Variants in PUF60 observed in about 807,000 individuals in gnomAD.
PUF60 encodes poly(U)-binding-splicing factor PUF60.
A neutral mutation model predicts 61.8 loss-of-function variants in PUF60; 10 were observed. The observed-to-expected ratio is 0.16, with a 90% CI of 0.10 to 0.27. The LOEUF (loss-of-function observed/expected upper bound fraction) is 0.27. Among genes scored for constraint, PUF60 ranks in the 10% least tolerant of loss-of-function variants. PUF60 has a pLI of 1.00. For missense variants in PUF60, 371 were observed against 754.0 expected (o/e 0.49, Z 5.95); for synonymous variants, 353 against 300.9 (o/e 1.17, Z -1.79).
chr8:143,816,858 C>T (rs769541306), intron 11 of PUF60, 39 bp from the exon 12 acceptor site: 18 of 1,597,526 alleles, frequency 1.1e-5, no homozygotes, highest in South Asian at 9.0e-5. Context: ...CTGAGCACTG[C>T]GGCCCCGCCC....
chr8:143,820,936 G>C (rs1345665586), intron 4 of PUF60, among the ~76,000 whole-genome samples: 1 of 152,142 alleles, frequency 6.6e-6, no homozygotes, highest in Non-Finnish European at 1.5e-5. Flanking sequence ...GGGGCAGAAA[G>C]GAAGGGAGGG....
At chr8:143,822,391 T>C (rs1817124222) in intron 2 of PUF60, 1 of 424,810 alleles carries the variant, frequency 2.4e-6, no homozygotes, top group Admixed American at 2.5e-5. Flanking sequence ...AGGCTCAGCT[T>C]CCCTGGAGTT....
intron 5 of PUF60, chr8:143,820,420 T>C: frequency 1.8e-6 from 1 of 563,874 alleles, no homozygotes; most frequent in Non-Finnish European, 3.2e-6. Flanking sequence ...CCGGCTGCCC[T>C]CCGCAGTTAC....
At position 143,817,077 on chromosome 8, in the gene PUF60, C is replaced by T; in HGVS notation, c.1213G>A (p.Ala405Thr). Residue 405 changes from alanine to threonine, a missense_variant, in exon 11 of 12, where the codon GCC (alanine) becomes ACC (threonine). Coordinates refer to ENST00000526683, the MANE Select transcript of PUF60 (RefSeq NM_078480.3). This position sits in a 1 kb window ranked among gnomAD's most constrained non-coding sequence, Gnocchi z 7.4. ...AGGAGACCCAGCGTTGGAGGGCTGG[C>T]CAGGATGGGGTTCACCACTCCCACC... Reference protein sequence around the residue: ...PSVGVVNPILASPPTLGLLEP... With the variant: ...PSVGVVNPILTSPPTLGLLEP... 6.2e-7 allele frequency: 1 copy of T among 1,611,546 alleles called. No homozygotes were observed. Among genetic ancestry groups the T allele is most frequent in the East Asian group, 2.2e-5 (1 of 44,816 alleles).
Position 143,820,663 on chromosome 8 carries a change from G to A in PUF60, c.348+3C>T, listed in dbSNP as rs371155542. The A allele has an allele frequency of 3.3e-4, 531 of 1,611,790 alleles. No individual in the cohort carries two copies. Among genetic ancestry groups the A allele is most frequent in the Non-Finnish European group, 4.4e-4 (519 of 1,178,400 alleles). ...CCCGGAAGAAGTGAGCATTTCTATT[G>A]ACCGATTGCAAAGGTGAGAGAGGAT... On this transcript the variant is annotated splice_donor_region_variant and intron_variant, in intron 5 of 11. Coordinates refer to ENST00000526683, the MANE Select transcript of PUF60 (RefSeq NM_078480.3).
At position 143,825,662 on chromosome 8, in the gene PUF60, T is replaced by G. The variant is rs373706961; in HGVS notation, c.25-1263A>C. On this transcript the variant is annotated intron_variant, in intron 1 of 11. Coordinates refer to ENST00000526683, the MANE Select transcript of PUF60 (RefSeq NM_078480.3). ...CACACCTGGCTAATTTTTGTATTTT[T>G]GGTAGAGATGGGGGTCTCCGTGTTG... Among the ~76,000 whole-genome samples the G allele has an allele frequency of 2.4e-4, 36 of 152,316 alleles. No homozygotes were observed. The East Asian group carries it at 5.8e-3, about 24-fold the overall frequency.
chr8:143,816,820 CTG>C lies in PUF60; in HGVS notation c.1381-3_1381-2del, dbSNP rs769410664. ...TGTTGCGCAGAACCATCACTGTAGA[CTG>C]TGGGGCAGGGCCGAGGGGAAGACAG... On this transcript the variant is annotated splice_acceptor_variant and splice_polypyrimidine_tract_variant and intron_variant, in intron 11 of 11. Transcript: ENST00000526683. LOFTEE classifies it high-confidence loss of function. 5.0e-6 allele frequency: 8 copies of C among 1,611,714 alleles called. No homozygotes were observed. The East Asian group carries it at 1.3e-4, about 27-fold the overall frequency.
At position 143,816,500 on chromosome 8, in the gene PUF60, T is replaced by A; in HGVS notation, c.*20A>T. 1 of 1,591,554 alleles carries A rather than the reference T, an allele frequency of 6.3e-7. No homozygotes were observed. Among genetic ancestry groups the A allele is most frequent in the South Asian group, 1.1e-5 (1 of 87,472 alleles). ...AGAGGAAACAAGGAACAAGTGCAAG[T>A]CCGGGGAGAGGGACCACTGTCACGC... On this transcript the variant is annotated 3_prime_UTR_variant, in exon 12 of 12. Transcript: ENST00000526683.
intron 1 of PUF60, chr8:143,827,369 C>CATCCAGA (rs1221520852): frequency 2.2e-6 from 1 of 456,200 alleles, no homozygotes; most frequent in Non-Finnish European, 4.4e-6. Flanking sequence ...TGAAAAGATG[C>CATCCAGA]ATCCAGAAGA....
chr8:143,828,955 G>A (rs192304835), intron 1 of PUF60: 2 of 988,686 alleles, frequency 2.0e-6, no homozygotes, highest in Non-Finnish European at 1.2e-6. Context: ...CGTCGGCAAA[G>A]GGAGGACGAC....
intron 2 of PUF60, among the ~76,000 whole-genome samples, chr8:143,823,879 C>T (rs1447141841): frequency 5.9e-5 from 9 of 152,266 alleles, no homozygotes; most frequent in Admixed American, 5.9e-4. Context: ...TTGCGCATTG[C>T]TTCACTGTTT....
Position 143,818,843 on chromosome 8 carries a change from C to T in PUF60, c.349-309G>A. The T allele has an allele frequency of 1.0e-5, 4 of 394,626 alleles. No individual in the cohort carries two copies. In the East Asian group the frequency reaches 1.6e-4, roughly 16 times the overall value. 24.4% of individuals were successfully genotyped at this position (394,626 alleles called of 1,614,324 possible). On this transcript the variant is annotated intron_variant, in intron 5 of 11. Coordinates refer to ENST00000526683, the MANE Select transcript of PUF60 (RefSeq NM_078480.3). This position sits in a 1 kb window ranked among gnomAD's most constrained non-coding sequence, Gnocchi z 7.9. ...GCTGTGCGCCCTCCCACCCAGACCA[C>T]CCCTCCAGTCTGGGGGCTGGGTATC... is the stretch of plus-strand genomic sequence containing the variant.
chr8:143,824,906 G>A (rs1414721660), intron 1 of PUF60: 1 of 165,842 alleles, frequency 6.0e-6, no homozygotes, highest in Non-Finnish European at 1.3e-5. Flanking sequence ...TGGTGGGCAG[G>A]GGTCTGGATG....
rs1245757406 is a variant in PUF60 at position 143,821,497 on chromosome 8, C to T, written c.297+100G>A. On this transcript the variant is annotated intron_variant, in intron 4 of 11. Transcript: ENST00000526683. ...TTTGAGAATCGGAGCACTGTAACAG[C>T]TTGCGGGGACGGCCGCAGGCCCAGG... 1.3e-5 allele frequency: 15 copies of T among 1,121,702 alleles called. No homozygotes were observed. In the South Asian group the frequency reaches 2.0e-4, roughly 15 times the overall value. 69.5% of individuals were successfully genotyped at this position (1,121,702 alleles called of 1,614,324 possible).
Position 143,817,521 on chromosome 8 carries a change from C to T in PUF60, c.1009-55G>A. ...CCCTGGTCTGGCTACTCAAGACCAC[C>T]TTGAATCAGTCTCCAAGGAATCAGG... On this transcript the variant is annotated intron_variant, in intron 9 of 11. Coordinates refer to ENST00000526683, the MANE Select transcript of PUF60 (RefSeq NM_078480.3). This position sits in a 1 kb window ranked among gnomAD's most constrained non-coding sequence, Gnocchi z 7.4. 6.2e-7 allele frequency: 1 copy of T among 1,608,144 alleles called. No individual in the cohort carries two copies. The highest frequency in any genetic ancestry group is 8.5e-7 in the Non-Finnish European group (1 of 1,178,962).
chr8:143,824,667 C>T (rs1563840176), intron 1 of PUF60: 3 of 514,740 alleles, frequency 5.8e-6, no homozygotes, highest in Non-Finnish European at 7.0e-6. Context: ...GTAGAGAGAG[C>T]TGTGCTCCTG....
chr8:143,829,112 G>GCGCGCGCCCGCCCCGCCCC, intron 1 of PUF60, 168 bp downstream of exon 1: 1 of 1,154,632 alleles, frequency 8.7e-7, no homozygotes, highest in Non-Finnish European at 1.1e-6. Context: ...CCGGCCGCCG[G>GCGCGCGCCCGCCCCGCCCC]CGCGCGCCCG....
chr8:143,827,316 C>T (rs1817740126), intron 1 of PUF60: 1 of 454,626 alleles, frequency 2.2e-6, no homozygotes, highest in Non-Finnish European at 4.4e-6. Context: ...CAAATGAGAG[C>T]TGGTCTGGCT....
rs747400384 is a variant in PUF60, at chr8:143,816,496, C to T, written c.*24G>A. The T allele has an allele frequency of 3.2e-6, 5 of 1,586,470 alleles. No individual in the cohort carries two copies. Among genetic ancestry groups the T allele is most frequent in the Non-Finnish European group, 4.3e-6 (5 of 1,166,630 alleles). On this transcript the variant is annotated 3_prime_UTR_variant, in exon 12 of 12. Transcript: ENST00000526683. ...ACCCAGAGGAAACAAGGAACAAGTG[C>T]AAGTCCGGGGAGAGGGACCACTGTC... is the stretch of plus-strand genomic sequence containing the variant.
Sources: gnomAD v4.1 joint callset for allele counts (sites outside exome capture counted in the v4.1 genomes callset) on GRCh38, gnomAD v4.1.1 for gene constraint, Gnocchi (gnomAD v3.1) non-coding constraint, MANE v1.5 for transcripts, NCBI Gene and HGNC (gene_info 2026-07-23, HGNC 2026-07-21) for gene names.